Variants in KSR2 observed in about 807,000 individuals in gnomAD.
KSR2 encodes the protein kinase suppressor of ras 2.
In KSR2, 25 loss-of-function variants were observed where a neutral mutation model predicts 107.8. The observed-to-expected ratio is 0.23, with a 90% CI of 0.17 to 0.32. The LOEUF (loss-of-function observed/expected upper bound fraction) is 0.32, where lower values mean the gene tolerates loss of function less well. KSR2 is among the 10% of genes least tolerant of loss of function. The pLI, the probability that KSR2 is intolerant of heterozygous loss-of-function variation, is 1.00. For synonymous variants in KSR2, 480 were observed against 507.0 expected (o/e 0.95, Z 0.71); for missense variants, 887 against 1,268.9 (o/e 0.70, Z 4.57).
intron 12 of KSR2, among the ~76,000 whole-genome samples, 197 bp from the exon 13 acceptor site, chr12:117,527,316 C>G (rs1406693806): frequency 1.6e-4 from 22 of 138,504 alleles, no homozygotes; most frequent in Admixed American, 1.0e-3. Flanking sequence ...CACACACACA[C>G]ACACACACAG....
chr12:117,666,585 A>G (rs1884669648), intron 5 of KSR2, among the ~76,000 whole-genome samples: 1 of 152,246 alleles, frequency 6.6e-6, no homozygotes, highest in Non-Finnish European at 1.5e-5. Context: ...GATTGTTTGC[A>G]AGAACTAAAT....
At chr12:117,696,488 A>G (rs1028384781) in intron 4 of KSR2, among the ~76,000 whole-genome samples, 1 of 151,598 alleles carries the variant, frequency 6.6e-6, no homozygotes, top group Non-Finnish European at 1.5e-5. Flanking sequence ...TTCGGCAAGA[A>G]GAGGTGACCT....
chr12:117,529,130 C>T (rs180985545), intron 12 of KSR2, among the ~76,000 whole-genome samples: 1 of 152,304 alleles, frequency 6.6e-6, no homozygotes, highest in East Asian at 1.9e-4. Context: ...ACTAAGTAGG[C>T]ACAAAGGTGA....
At chr12:117,825,819 A>C (rs974777451) in intron 3 of KSR2, among the ~76,000 whole-genome samples, 2 of 149,530 alleles carry the variant, frequency 1.3e-5, no homozygotes, top group Admixed American at 1.3e-4. Context: ...AGATGGAAGA[A>C]TGGATAGATG....
At chr12:117,872,408 T>C (rs1193978178) in intron 1 of KSR2, among the ~76,000 whole-genome samples, 1 of 151,866 alleles carries the variant, frequency 6.6e-6, no homozygotes, top group African/African-American at 2.4e-5. Flanking sequence ...CCACCAAAAA[T>C]TAAAAATTAG....
intron 1 of KSR2, among the ~76,000 whole-genome samples, chr12:117,910,790 T>C (rs1269537295): frequency 6.6e-6 from 1 of 152,156 alleles, no homozygotes; most frequent in Non-Finnish European, 1.5e-5. Context: ...GGCGTGAATC[T>C]AGCATGTGGC....
At chr12:117,736,173 G>A (rs1305019665) in intron 4 of KSR2, among the ~76,000 whole-genome samples, 5 of 152,062 alleles carry the variant, frequency 3.3e-5, no homozygotes, top group East Asian at 3.9e-4. Flanking sequence ...TACATCCCAC[G>A]GGGCCCTGTT....
chr12:117,803,385 C>T (rs539752769), intron 3 of KSR2, among the ~76,000 whole-genome samples: 208 of 152,286 alleles, frequency 1.4e-3, no homozygotes, highest in African/African-American at 4.6e-3. Context: ...GTACCCCCGA[C>T]CCCATGCTGG....
At chr12:117,748,657 C>G (rs1304000139) in intron 4 of KSR2, among the ~76,000 whole-genome samples, 1 of 152,150 alleles carries the variant, frequency 6.6e-6, no homozygotes, top group Non-Finnish European at 1.5e-5. Context: ...TAAGTGACAG[C>G]TATCATGTAT....
At chr12:117,790,558 C>T (rs567884428) in intron 3 of KSR2, among the ~76,000 whole-genome samples, 1 of 152,302 alleles carries the variant, frequency 6.6e-6, no homozygotes, top group East Asian at 1.9e-4. Context: ...TTTACATTGC[C>T]AGGGTGAAAT....
chr12:117,878,361 C>A (rs1344674413), intron 1 of KSR2, among the ~76,000 whole-genome samples: 1 of 152,190 alleles, frequency 6.6e-6, no homozygotes, highest in Non-Finnish European at 1.5e-5. Flanking sequence ...CTTAATCATT[C>A]ACCGGGGGCC....
At chr12:117,871,448 G>T (rs1224401722) in intron 1 of KSR2, among the ~76,000 whole-genome samples, 1 of 152,226 alleles carries the variant, frequency 6.6e-6, no homozygotes, top group South Asian at 2.1e-4. Context: ...AAATGGCCGG[G>T]TGTGGTGGCG....
Position 117,642,922 on chromosome 12 carries a change from A to C in KSR2, c.1171+24552T>G, listed in dbSNP as rs887764722. 8.5e-5 allele frequency among the ~76,000 whole-genome samples: 13 copies of C among 152,316 alleles called. 1 individual carries two copies. The South Asian group carries it at 2.7e-3, about 32-fold the overall frequency. On this transcript the variant is annotated intron_variant, in intron 5 of 19. Coordinates refer to ENST00000339824, the MANE Select transcript of KSR2 (RefSeq NM_173598.6). ...CCAGGGGATGGGAAACCAGGCCCCC[A>C]GGCTCCATGTAACCCACAATGATTC...
intron 1 of KSR2, among the ~76,000 whole-genome samples, chr12:117,928,783 G>C (rs997594416): frequency 2.6e-5 from 4 of 152,124 alleles, no homozygotes; most frequent in African/African-American, 9.7e-5. Flanking sequence ...ATATTTACAA[G>C]CCAGGCACTT....
intron 1 of KSR2, among the ~76,000 whole-genome samples, chr12:117,947,209 G>GAAAAGA (rs796600006): frequency 5.1e-4 from 40 of 77,876 alleles, no homozygotes; most frequent in East Asian, 3.2e-3. Flanking sequence ...AGAAAGAAAA[G>GAAAAGA]AAAGAAAGAA....
chr12:117,674,043 G>A (rs576891534), intron 4 of KSR2, among the ~76,000 whole-genome samples: 1 of 152,184 alleles, frequency 6.6e-6, no homozygotes, highest in Non-Finnish European at 1.5e-5. Context: ...CTGTGTTAGG[G>A]AAAGACACTC....
chr12:117,727,101 T>C (rs1887460383), intron 4 of KSR2, among the ~76,000 whole-genome samples: 1 of 151,972 alleles, frequency 6.6e-6, no homozygotes, highest in Non-Finnish European at 1.5e-5. Flanking sequence ...AGAGGGCTTG[T>C]GTGCTGGCTT....
chr12:117,906,461 C>T (rs989251675), intron 1 of KSR2, among the ~76,000 whole-genome samples: 3 of 151,492 alleles, frequency 2.0e-5, no homozygotes, highest in African/African-American at 7.3e-5. Context: ...CAAAAATTAG[C>T]TGGGCATGGT....
At chr12:117,859,464 T>TA (rs1004399428) in intron 2 of KSR2, among the ~76,000 whole-genome samples, 4 of 148,374 alleles carry the variant, frequency 2.7e-5, no homozygotes, top group South Asian at 2.1e-4. Context: ...TTTATTTATT[T>TA]TTTTTTTTTT....
Sources: allele counts gnomAD v4.1 joint callset (sites outside exome capture counted in the v4.1 genomes callset), GRCh38; gene constraint gnomAD v4.1.1; transcripts MANE v1.5; gene names NCBI Gene and HGNC (gene_info 2026-07-23, HGNC 2026-07-21).